Variants in ACOT13 observed in about 807,000 individuals in gnomAD.
ACOT13 encodes acyl-CoA thioesterase 13.
ACOT13 carries 10 observed loss-of-function variants against 11.8 expected under a neutral mutation model. The observed-to-expected ratio is 0.85, with a 90% CI of 0.53 to 1.44. ACOT13 has a LOEUF of 1.44. Among genes scored for constraint, ACOT13 ranks in the 40% most tolerant of loss-of-function variants. The pLI is 0.00. For missense variants in ACOT13, 172 were observed against 174.1 expected (o/e 0.99, Z 0.07); for synonymous variants, 53 against 61.0 (o/e 0.87, Z 0.61).
chr6:24,683,266 G>A (rs911515763), intron 1 of ACOT13, among the ~76,000 whole-genome samples: 65 of 152,330 alleles, frequency 4.3e-4, no homozygotes, highest in African/African-American at 1.5e-3. Context: ...AGTTGGGCCC[G>A]GTGGCTCACG....
intron 1 of ACOT13, among the ~76,000 whole-genome samples, chr6:24,676,612 G>T (rs1279491487): frequency 1.3e-5 from 2 of 152,178 alleles, no homozygotes; most frequent in African/African-American, 4.8e-5. Flanking sequence ...TCCGCTTAAG[G>T]AGATTTTGGG....
rs1204780484 is a variant in ACOT13, at chr6:24,687,677, CA to C, written c.82-10205del. The C allele has an allele frequency of 3.3e-6, 5 of 1,498,842 alleles. No individual in the cohort carries two copies. The East Asian group carries it at 1.0e-4, about 31-fold the overall frequency. The allele number at this position is 1,498,842 out of a possible 1,614,324, so 92.8% of individuals were successfully genotyped here. A position where few individuals can be genotyped will look rare whatever the true frequency, so the allele number is the denominator to read the frequency against. On this transcript the variant is annotated intron_variant, in intron 1 of 2. Coordinates refer to ENST00000230048, the MANE Select transcript of ACOT13 (RefSeq NM_018473.4). ...AGAGAAAGAAAGCATGTAAAGAAGA[CA>C]GAAATGGTTAGAAAGGTAAGAATAG...
intron 1 of ACOT13, among the ~76,000 whole-genome samples, chr6:24,689,671 G>A (rs976957484): frequency 3.3e-5 from 5 of 152,086 alleles, no homozygotes; most frequent in African/African-American, 9.7e-5. Flanking sequence ...CACCGAAAGA[G>A]TAGTAGGTAG....
chr6:24,697,566 C>G (rs1778814746), intron 1 of ACOT13, among the ~76,000 whole-genome samples: 1 of 152,264 alleles, frequency 6.6e-6, no homozygotes, highest in South Asian at 2.1e-4. Context: ...AGCTGGGTGG[C>G]TTTGTTGGCG....
intron 1 of ACOT13, among the ~76,000 whole-genome samples, chr6:24,696,759 G>T (rs1395600670): frequency 6.6e-6 from 1 of 151,762 alleles, no homozygotes; most frequent in Non-Finnish European, 1.5e-5. Flanking sequence ...TTTTAAAGAT[G>T]TTTGATATAA....
intron 1 of ACOT13, among the ~76,000 whole-genome samples, chr6:24,667,649 G>A (rs183187487): frequency 1.1e-4 from 16 of 152,320 alleles, no homozygotes; most frequent in African/African-American, 3.4e-4. Flanking sequence ...CTCCAGAGAA[G>A]AGTAAGAGAA....
At chr6:24,676,997 A>G (rs1193053717) in intron 1 of ACOT13, among the ~76,000 whole-genome samples, 1 of 152,174 alleles carries the variant, frequency 6.6e-6, no homozygotes, top group Non-Finnish European at 1.5e-5. Flanking sequence ...TCCTAATTCT[A>G]GTGCCCGAGT....
intron 1 of ACOT13, among the ~76,000 whole-genome samples, chr6:24,687,958 C>T (rs1421242578): frequency 6.6e-6 from 1 of 151,968 alleles, no homozygotes; most frequent in Admixed American, 6.5e-5. Context: ...AGTGATCCTC[C>T]TGCCTCAGCC....
rs769642589 is a variant in ACOT13, at chr6:24,703,702, C to G, written c.*2087C>G. 1 of 152,172 alleles carries G rather than the reference C, an allele frequency of 6.6e-6. No homozygotes were observed. The highest frequency in any genetic ancestry group is 1.5e-5 in the Non-Finnish European group (1 of 68,034). 9.4% of individuals were successfully genotyped at this position (152,172 alleles called of 1,614,324 possible). On this transcript the variant is annotated 3_prime_UTR_variant, in exon 3 of 3. Transcript: ENST00000230048. ...TTGGGTTTTAGTCTGGAAAGAATCG[C>G]CAAGGGAGCTCCTGATAAAGGAACA...
At chr6:24,686,198 G>A (rs997643126) in intron 1 of ACOT13, among the ~76,000 whole-genome samples, 2 of 152,200 alleles carry the variant, frequency 1.3e-5, no homozygotes, top group East Asian at 1.9e-4. Flanking sequence ...AATGGAAAGT[G>A]TATTGCAAGG....
chr6:24,674,742 C>A (rs891075259), intron 1 of ACOT13, among the ~76,000 whole-genome samples: 1 of 151,642 alleles, frequency 6.6e-6, no homozygotes, highest in South Asian at 2.1e-4. Context: ...TTTTTATTTT[C>A]TTATTATACT....
chr6:24,682,729 G>A (rs995507427), intron 1 of ACOT13, among the ~76,000 whole-genome samples: 1 of 152,108 alleles, frequency 6.6e-6, no homozygotes, highest in South Asian at 2.1e-4. Flanking sequence ...GGTGGATGGC[G>A]AGCGAAAGCT....
intron 1 of ACOT13, among the ~76,000 whole-genome samples, chr6:24,697,333 A>G (rs538677877): frequency 6.6e-6 from 1 of 152,156 alleles, no homozygotes; most frequent in South Asian, 2.1e-4. Context: ...TTCTGCTTGT[A>G]CAAAACTAGG....
intron 1 of ACOT13, among the ~76,000 whole-genome samples, chr6:24,690,672 A>T (rs1000232698): frequency 6.6e-6 from 1 of 152,224 alleles, no homozygotes; most frequent in African/African-American, 2.4e-5. Context: ...CCTTCAGGGA[A>T]TATTTAATTT....
At chr6:24,699,918 A>G (rs866091954) in intron 2 of ACOT13, among the ~76,000 whole-genome samples, 1 of 152,240 alleles carries the variant, frequency 6.6e-6, no homozygotes, top group African/African-American at 2.4e-5. Flanking sequence ...AGAGCTGCCT[A>G]CGCTTCAAAA....
intron 1 of ACOT13, among the ~76,000 whole-genome samples, chr6:24,679,515 T>A (rs1158426781): frequency 6.6e-6 from 1 of 152,206 alleles, no homozygotes; most frequent in Non-Finnish European, 1.5e-5. Flanking sequence ...GTGGACATCA[T>A]TGCATAATTC....
chr6:24,694,588 A>T (rs2127627738), intron 1 of ACOT13, among the ~76,000 whole-genome samples: 1 of 152,278 alleles, frequency 6.6e-6, no homozygotes, highest in African/African-American at 2.4e-5. Flanking sequence ...CAAGGCTGAG[A>T]TGTTTTTTTC....
At chr6:24,671,955 CTG>C (rs1260175558) in intron 1 of ACOT13, among the ~76,000 whole-genome samples, 8 of 152,318 alleles carry the variant, frequency 5.3e-5, no homozygotes, top group Non-Finnish European at 8.8e-5. Flanking sequence ...AAGCCAAACA[CTG>C]TTGCATATTT....
chr6:24,668,652 T>G (rs942629719), intron 1 of ACOT13, among the ~76,000 whole-genome samples: 1 of 152,210 alleles, frequency 6.6e-6, no homozygotes, highest in South Asian at 2.1e-4. Context: ...AATGAAGTGG[T>G]GACCCACAAT....
Sources: allele counts gnomAD v4.1 joint callset (sites outside exome capture counted in the v4.1 genomes callset), GRCh38; gene constraint gnomAD v4.1.1; transcripts MANE v1.5; gene names NCBI Gene and HGNC (gene_info 2026-07-23, HGNC 2026-07-21).